LIMS4: variants seen among roughly 807,000 people sequenced by gnomAD.
LIMS4 encodes LIM and senescent cell antigen-like-containing domain protein 4.
At chr2:110,390,663 A>G in the LIMS4 span, among the ~76,000 whole-genome samples, 5 of 148,938 alleles carry the variant, frequency 3.4e-5, no homozygotes, top group Admixed American at 6.6e-5. Context: ...GTCAGCATCC[A>G]TCTCCACAGT....
intron 3 of LIMS4, among the ~76,000 whole-genome samples, chr2:110,456,483 AG>A: frequency 6.6e-6 from 1 of 152,152 alleles, no homozygotes; most frequent in Non-Finnish European, 1.5e-5. Flanking sequence ...ACCACCCGAT[AG>A]GAGTCCTAGT....
the LIMS4 span, among the ~76,000 whole-genome samples, chr2:110,372,666 T>C: frequency 1.3e-5 from 2 of 148,996 alleles, 1 homozygote; most frequent in African/African-American, 5.2e-5. Flanking sequence ...CCACCACACC[T>C]GGCTGATTTT....
At chr2:110,407,554 A>T in the LIMS4 span, among the ~76,000 whole-genome samples, 1 of 116,260 alleles carries the variant, frequency 8.6e-6, no homozygotes, top group East Asian at 2.3e-4. Context: ...CATTTTACTC[A>T]TTTGTCTGAT....
chr2:110,456,508 C>CCT (rs1373841389), intron 3 of LIMS4, among the ~76,000 whole-genome samples: 2 of 152,240 alleles, frequency 1.3e-5, no homozygotes, highest in Non-Finnish European at 2.9e-5. Flanking sequence ...TCCCAAAATA[C>CCT]CTCTACCTTA....
chr2:110,359,695 C>A, the LIMS4 span, among the ~76,000 whole-genome samples: 1 of 98,740 alleles, frequency 1.0e-5, no homozygotes, highest in Admixed American at 1.3e-4. Flanking sequence ...ACTTGATATT[C>A]TTAGTTGTGT....
chr2:110,373,033 CA>C, the LIMS4 span, among the ~76,000 whole-genome samples: 1 of 124,430 alleles, frequency 8.0e-6, no homozygotes, highest in East Asian at 2.0e-4. Context: ...AAAGAAAGAA[CA>C]AAAGAGCAAC....
chr2:110,385,206 TAAAC>T, the LIMS4 span, among the ~76,000 whole-genome samples: 162 of 150,860 alleles, frequency 1.1e-3, 7 homozygotes, highest in African/African-American at 2.3e-3. Flanking sequence ...CCATGGGGCC[TAAAC>T]AAACAAACAA....
At chr2:110,395,977 G>T in the LIMS4 span, among the ~76,000 whole-genome samples, 5 of 141,408 alleles carry the variant, frequency 3.5e-5, no homozygotes, top group African/African-American at 8.7e-5. Flanking sequence ...ACAGGGTGGG[G>T]CAGCCTTGTG....
At chr2:110,372,581 C>T in the LIMS4 span, among the ~76,000 whole-genome samples, 1 of 148,304 alleles carries the variant, frequency 6.7e-6, no homozygotes, top group Admixed American at 6.6e-5. Flanking sequence ...TCTCTGCTCA[C>T]TGCAACCTCC....
the LIMS4 span, among the ~76,000 whole-genome samples, chr2:110,366,944 GACACACACACACAC>G: frequency 8.8e-5 from 11 of 125,666 alleles, no homozygotes; most frequent in East Asian, 7.6e-4. Context: ...ATTCACAATA[GACACACACACACAC>G]ACACACACAC....
chr2:110,361,830 T>C, the LIMS4 span: 1 of 813,118 alleles, frequency 1.2e-6, no homozygotes, highest in South Asian at 1.4e-5. Context: ...GGATGCTGTG[T>C]GTAGGTGTGG....
chr2:110,379,251 C>T, the LIMS4 span, among the ~76,000 whole-genome samples: 1 of 151,710 alleles, frequency 6.6e-6, no homozygotes, highest in Middle Eastern at 3.4e-3. Context: ...TTGTTGCTTG[C>T]TTGCTTGTTG....
the LIMS4 span, among the ~76,000 whole-genome samples, chr2:110,391,165 G>C: frequency 6.6e-6 from 1 of 151,524 alleles, no homozygotes; most frequent in Non-Finnish European, 1.5e-5. Context: ...AGGGAGGGAA[G>C]GGTGGAGCAG....
At chr2:110,382,080 A>T in the LIMS4 span, among the ~76,000 whole-genome samples, 5 of 92,726 alleles carry the variant, frequency 5.4e-5, no homozygotes, top group Non-Finnish European at 7.8e-5. Context: ...AAAAAAAAAA[A>T]AAAAAAAAAA....
the LIMS4 span, among the ~76,000 whole-genome samples, chr2:110,391,140 G>A: frequency 6.6e-6 from 1 of 151,330 alleles, no homozygotes; most frequent in Non-Finnish European, 1.5e-5. Context: ...GAGGGAGCTG[G>A]GGGGAGAGCA....
the LIMS4 span, chr2:110,360,622 C>G: frequency 7.6e-7 from 1 of 1,323,244 alleles, no homozygotes; most frequent in Non-Finnish European, 1.1e-6. Context: ...CTCGTCTGAG[C>G]TCATCCTTTT....
At chr2:110,392,253 C>T in the LIMS4 span, among the ~76,000 whole-genome samples, 2 of 150,804 alleles carry the variant, frequency 1.3e-5, no homozygotes, top group Admixed American at 6.6e-5. Flanking sequence ...AGTAAAGAAA[C>T]TTGCAGTACC....
downstream of LIMS4, among the ~76,000 whole-genome samples, chr2:110,442,888 A>G (rs1688164723): frequency 6.6e-6 from 1 of 152,224 alleles, no homozygotes; most frequent in African/African-American, 2.4e-5. Flanking sequence ...TAGTAGAGAC[A>G]GGATTTCGCC....
chr2:110,382,822 T>C, the LIMS4 span: 1 of 137,236 alleles, frequency 7.3e-6, no homozygotes, highest in African/African-American at 3.2e-5. Flanking sequence ...TGAAAGTGAT[T>C]ACGGATTTCC....
Sources: allele counts gnomAD v4.1 joint callset (sites outside exome capture counted in the v4.1 genomes callset), GRCh38; gene constraint gnomAD v4.1.1; transcripts MANE v1.5; gene names NCBI Gene and HGNC (gene_info 2026-07-23, HGNC 2026-07-21).